The following ACACB variants were observed in gnomAD, a reference collection of about 807,000 sequenced individuals.
The protein encoded by ACACB is acetyl-CoA carboxylase 2.
Under a neutral mutation model 278.8 loss-of-function variants are expected in ACACB, and 209 were observed. The observed-to-expected ratio is 0.75, with a 90% confidence interval of 0.67 to 0.84. The LOEUF is 0.84. ACACB is among the 40% of genes least tolerant of loss of function. ACACB has a pLI of 0.00. For missense variants in ACACB, 2,850 were observed against 3,269.0 expected, an observed-to-expected ratio of 0.87 and a Z score of 3.13; for synonymous variants, 1,174 against 1,285.6, an observed-to-expected ratio of 0.91 and a Z score of 1.86.
At chr12:109,251,264 TAGAG>T (rs974889461) in intron 41 of ACACB, among the ~76,000 whole-genome samples, 8 of 152,190 alleles carry the variant, frequency 5.3e-5, no homozygotes, top group African/African-American at 1.9e-4. Flanking sequence ...ATATTAATTT[TAGAG>T]AGACACTTTA....
chr12:109,231,545 A>T (rs928422414), intron 28 of ACACB, among the ~76,000 whole-genome samples: 1 of 152,120 alleles, frequency 6.6e-6, no homozygotes, highest in African/African-American at 2.4e-5. Context: ...CAGAGCACCC[A>T]ACAGGAATGC....
At chr12:109,241,425 T>TTAA (rs1301745508) in intron 36 of ACACB, 144 bp downstream of exon 36, 10 of 772,122 alleles carry the variant, frequency 1.3e-5, no homozygotes, top group Non-Finnish European at 2.1e-5. Flanking sequence ...CCCCTCTGAG[T>TTAA]GTTATGTTAA....
upstream of ACACB, among the ~76,000 whole-genome samples, chr12:109,112,655 G>C (rs1316875209): frequency 6.8e-6 from 1 of 147,766 alleles, no homozygotes; most frequent in African/African-American, 2.5e-5. Context: ...ACTCCAGACT[G>C]GGCAACAAGA....
At chr12:109,134,206 G>A (rs954528071) in intron 1 of ACACB, among the ~76,000 whole-genome samples, 25 of 152,094 alleles carry the variant, frequency 1.6e-4, no homozygotes, top group African/African-American at 5.6e-4. Flanking sequence ...ACAGACAACC[G>A]AACAAGCCAC....
chr12:109,171,607 C>T (rs971810927), intron 4 of ACACB, among the ~76,000 whole-genome samples, 198 bp from the exon 5 acceptor site: 2 of 152,214 alleles, frequency 1.3e-5, no homozygotes, highest in African/African-American at 2.4e-5. Flanking sequence ...GCCTCGGCCT[C>T]CCAAAGTGCT....
intron 24 of ACACB, among the ~76,000 whole-genome samples, 175 bp from the exon 25 acceptor site, chr12:109,222,332 G>A (rs955830654): frequency 1.7e-5 from 2 of 118,192 alleles, no homozygotes; most frequent in South Asian, 5.4e-4. Context: ...TGACTGACTG[G>A]GGTGGGTGCA....
intron 11 of ACACB, among the ~76,000 whole-genome samples, chr12:109,182,930 C>T (rs1421227127): frequency 6.6e-6 from 1 of 152,148 alleles, no homozygotes; most frequent in Non-Finnish European, 1.5e-5. Flanking sequence ...TTCATAATTT[C>T]AGGTCTTAGA....
At chr12:109,133,906 T>C (rs1284576879) in intron 1 of ACACB, among the ~76,000 whole-genome samples, 15 of 143,756 alleles carry the variant, frequency 1.0e-4, no homozygotes, top group Non-Finnish European at 2.0e-4. Context: ...CACAGGTTTT[T>C]TTTTTTTCAT....
intron 37 of ACACB, among the ~76,000 whole-genome samples, chr12:109,243,215 G>C (rs919536454): frequency 1.3e-5 from 2 of 152,142 alleles, no homozygotes; most frequent in African/African-American, 4.8e-5. Context: ...TTAAGTACCT[G>C]CTACTTACCA....
In ACACB at chr12:109,172,256, C is replaced by T. The variant is rs1393907620; in HGVS notation, c.1036-19C>T. ...ATTCTTGAAGGAAGATTGTTGCTCA[C>T]CCCTTTCTGTGTTTGCAGGCGGTGT... On this transcript the variant is annotated intron_variant, in intron 5 of 52. Transcript: ENST00000338432. 1 of 1,611,764 alleles carries T rather than the reference C, an allele frequency of 6.2e-7. No homozygotes were observed. Among genetic ancestry groups the T allele is most frequent in the South Asian group, 1.1e-5 (1 of 90,946 alleles).
In ACACB at chr12:109,210,058, C is replaced by T. The variant is rs1194649810; in HGVS notation, c.3249+705C>T. ...GTGTATATGTGTATATATACACACA[C>T]GTGTGTATATATGTGTATATATGTA... is the stretch of plus-strand genomic sequence containing the variant. On this transcript the variant is annotated intron_variant, in intron 21 of 52. Transcript: ENST00000338432. 6.1e-5 allele frequency among the ~76,000 whole-genome samples: 5 copies of T among 81,762 alleles called. 1 individual carries two copies. Among genetic ancestry groups the T allele is most frequent in the South Asian group, 4.2e-4 (1 of 2,402 alleles). 53.6% of individuals were successfully genotyped at this position (81,762 alleles called of 152,430 possible).
At position 109,176,128 on chromosome 12, in the gene ACACB, A is replaced by T. The variant is rs750082798; in HGVS notation, c.1327-25A>T. 3.7e-6 allele frequency: 6 copies of T among 1,613,464 alleles called. No individual in the cohort carries two copies. In the South Asian group the frequency reaches 6.6e-5, roughly 18 times the overall value. On this transcript the variant is annotated intron_variant, in intron 8 of 52. Coordinates refer to ENST00000338432, the MANE Select transcript of ACACB (RefSeq NM_001093.4). ...GTTGGCAACTGGCTAACCTCTAAAG[A>T]GGTCTGTTTGTCCTTTGCACCCAGG...
chr12:109,169,349 C>T (rs956599021), intron 4 of ACACB, among the ~76,000 whole-genome samples: 19 of 152,092 alleles, frequency 1.2e-4, no homozygotes, highest in African/African-American at 2.9e-4. Context: ...ATGGCACAGT[C>T]GAGGCACAGG....
rs560070295 is a variant in ACACB, at chr12:109,201,827, C to T, written c.2913+126C>T. 193 of 1,311,444 alleles carry T rather than the reference C, an allele frequency of 1.5e-4. 4 individuals carry two copies. The South Asian group carries it at 2.5e-3, about 17-fold the overall frequency. 81.2% of individuals were successfully genotyped at this position (1,311,444 alleles called of 1,614,324 possible). The stretch of plus-strand genomic sequence containing the variant: ...CCTGCCTCCACCTGCAGACAGAGCT[C>T]GTCGCAGCAGCCACCGTGATGGTGC... On this transcript the variant is annotated intron_variant, in intron 19 of 52. Coordinates refer to ENST00000338432, the MANE Select transcript of ACACB (RefSeq NM_001093.4).
At chr12:109,126,751 T>C (rs1240021769) in intron 1 of ACACB, among the ~76,000 whole-genome samples, 1 of 152,110 alleles carries the variant, frequency 6.6e-6, no homozygotes, top group African/African-American at 2.4e-5. Context: ...CAACAGGCAT[T>C]AATTGAGCAC....
rs572934709 is a variant in ACACB, at chr12:109,261,070, C to T, written c.6674+413C>T. 6.6e-5 allele frequency among the ~76,000 whole-genome samples: 10 copies of T among 152,298 alleles called. No individual in the cohort carries two copies. The East Asian group carries it at 7.7e-4, about 12-fold the overall frequency. ...CTTGCATGAGAGGATACCGGTTCTT[C>T]GCGGGAGAGGTAACCTCCTTGGCAC... On this transcript the variant is annotated intron_variant, in intron 48 of 52. Coordinates refer to ENST00000338432, the MANE Select transcript of ACACB (RefSeq NM_001093.4).
chr12:109,171,994 C>A, intron 5 of ACACB, 80 bp downstream of exon 5: 1 of 1,216,512 alleles, frequency 8.2e-7, no homozygotes, highest in Non-Finnish European at 1.2e-6. Context: ...CCACAGTTCA[C>A]AAGGGGTGGA....
intron 4 of ACACB, among the ~76,000 whole-genome samples, chr12:109,169,915 G>A (rs1167697251): frequency 2.6e-5 from 4 of 152,180 alleles, no homozygotes; most frequent in Admixed American, 6.5e-5. Flanking sequence ...AGGCCGGAAG[G>A]AGCAGCTGCT....
chr12:109,247,550 C>A (rs2046981516), intron 39 of ACACB, 56 bp from the exon 40 acceptor site: 3 of 1,258,000 alleles, frequency 2.4e-6, no homozygotes, highest in Admixed American at 2.0e-5. Flanking sequence ...AAAAAAAAAA[C>A]AGTGGCTTTC....
Sources: gnomAD v4.1 joint callset for allele counts (sites outside exome capture counted in the v4.1 genomes callset) on GRCh38, gnomAD v4.1.1 for gene constraint, MANE v1.5 for transcripts, NCBI Gene and HGNC (gene_info 2026-07-23, HGNC 2026-07-21) for gene names.